RALGAPA2: variants seen among roughly 807,000 people sequenced by gnomAD.
The protein encoded by RALGAPA2 is Ral GTPase activating protein catalytic subunit alpha 2.
A neutral mutation model predicts 230.4 loss-of-function variants in RALGAPA2; 139 were observed. The ratio of observed to expected loss-of-function variants is 0.60; its 90% CI spans 0.53 to 0.69. The LOEUF is 0.69. Ranked by LOEUF, RALGAPA2 falls within the 30% of genes least tolerant of loss-of-function variation. The probability of loss-of-function intolerance (pLI) is 0.00; values close to 1 mark genes in which losing one functional copy is unlikely to be tolerated. For missense variants in RALGAPA2, 2,163 were observed against 2,276.0 expected (o/e 0.95, Z 1.01); for synonymous variants, 847 against 837.8 (o/e 1.01, Z -0.19).
chr20:20,486,496 G>A (rs2061914847), intron 36 of RALGAPA2, among the ~76,000 whole-genome samples: 3 of 152,118 alleles, frequency 2.0e-5, no homozygotes, highest in Non-Finnish European at 2.9e-5. Flanking sequence ...AGCTACTGGT[G>A]CCAGCATAGG....
chr20:20,659,983 C>G (rs1186464639), intron 3 of RALGAPA2: 1 of 235,764 alleles, frequency 4.2e-6, no homozygotes, highest in Non-Finnish European at 8.6e-6. Context: ...GTGGCTCATG[C>G]CTGTAATCCT....
rs2060631486 is a variant in RALGAPA2, at chr20:20,437,051, G to A, written c.5496-24903C>T. The stretch of plus-strand genomic sequence containing the variant: ...GGTCCCCATCCTCCCTGGGTCCTGT[G>A]GCCTCCTCTGCACAATGGCATCTGA... On this transcript the variant is annotated intron_variant, in intron 37 of 39. Coordinates refer to ENST00000202677, the MANE Select transcript of RALGAPA2 (RefSeq NM_020343.4). This position sits in a 1 kb window ranked among gnomAD's most constrained non-coding sequence, Gnocchi z 4.1. Among the ~76,000 whole-genome samples the A allele has an allele frequency of 6.6e-6, 1 of 152,152 alleles. No individual in the cohort carries two copies. Among genetic ancestry groups the A allele is most frequent in the African/African-American group, 2.4e-5 (1 of 41,426 alleles).
chr20:20,504,506 G>A (rs1438737765), intron 34 of RALGAPA2, among the ~76,000 whole-genome samples: 3 of 152,124 alleles, frequency 2.0e-5, no homozygotes, highest in Non-Finnish European at 4.4e-5. Flanking sequence ...GGTGAATCAC[G>A]AGGTTAAGAG....
chr20:20,446,975 T>TA (rs1388030458), intron 37 of RALGAPA2, among the ~76,000 whole-genome samples: 1 of 152,240 alleles, frequency 6.6e-6, no homozygotes, highest in Non-Finnish European at 1.5e-5. Context: ...AAACCCCAGT[T>TA]AAACTGATTT....
chr20:20,413,935 C>T (rs1018570254), intron 37 of RALGAPA2, among the ~76,000 whole-genome samples: 2 of 152,224 alleles, frequency 1.3e-5, no homozygotes, highest in Non-Finnish European at 2.9e-5. Context: ...TAGAGGGACC[C>T]ACTAATGCCA....
At chr20:20,432,620 G>A (rs189308617) in intron 37 of RALGAPA2, among the ~76,000 whole-genome samples, 144 of 152,130 alleles carry the variant, frequency 9.5e-4, no homozygotes, top group African/African-American at 3.3e-3. Flanking sequence ...GATTCTTTGA[G>A]AGAGACTAAA....
intron 3 of RALGAPA2, among the ~76,000 whole-genome samples, chr20:20,668,319 C>A (rs1278482029): frequency 1.1e-4 from 16 of 152,116 alleles, no homozygotes; most frequent in Admixed American, 1.0e-3. Context: ...AGGAGAATTG[C>A]TTGAACCCAT....
chr20:20,710,536 C>T (rs936902744), intron 1 of RALGAPA2, among the ~76,000 whole-genome samples: 2 of 152,136 alleles, frequency 1.3e-5, no homozygotes, highest in Non-Finnish European at 2.9e-5. Flanking sequence ...GGCCACTCCA[C>T]TAGTAAGTAT....
intron 1 of RALGAPA2, among the ~76,000 whole-genome samples, chr20:20,689,426 G>A (rs888668919): frequency 2.0e-5 from 3 of 152,096 alleles, no homozygotes; most frequent in Admixed American, 6.5e-5. Flanking sequence ...GGCAGATCAC[G>A]AGGTCAAAAG....
intron 1 of RALGAPA2, among the ~76,000 whole-genome samples, chr20:20,684,545 G>A (rs1568751205): frequency 6.6e-6 from 1 of 152,110 alleles, no homozygotes; most frequent in Non-Finnish European, 1.5e-5. Context: ...TGGTGGTGTT[G>A]AGCTTAAGTA....
chr20:20,469,109 T>A (rs141336961), intron 37 of RALGAPA2, among the ~76,000 whole-genome samples: 7 of 152,320 alleles, frequency 4.6e-5, no homozygotes, highest in African/African-American at 1.7e-4. Context: ...TCTTCACATT[T>A]CTATTCCTAG....
At chr20:20,455,200 G>A (rs983634333) in intron 37 of RALGAPA2, among the ~76,000 whole-genome samples, 2 of 152,214 alleles carry the variant, frequency 1.3e-5, no homozygotes, top group Admixed American at 1.3e-4. Context: ...GCTCTGCCTC[G>A]CATGACTTGC....
rs777796459 is a variant in RALGAPA2 at position 20,635,525 on chromosome 20, G to A, written c.898C>T (p.Arg300Cys). The change falls in exon 9 of 40, where the codon CGT becomes TGT. Residue 300 changes from arginine to cysteine, a missense_variant. Arg to Cys is a radical substitution (Grantham distance 180, BLOSUM62 -3). Transcript: ENST00000202677. Reference sequence around the variant, plus strand: ...ACAATCCACTTAATAAAAACAACACGAGCTGCCATATATGGAATCTTTGTA... The same window carrying A: ...ACAATCCACTTAATAAAAACAACACAAGCTGCCATATATGGAATCTTTGTA... ...YSTKIPYMAARVVFIKWIVTF... is the reference protein window; with the variant it reads ...YSTKIPYMAACVVFIKWIVTF... 1.3e-5 allele frequency: 21 copies of A among 1,594,396 alleles called. No individual in the cohort carries two copies. The Admixed American group carries it at 2.0e-4, about 15-fold the overall frequency.
chr20:20,508,882 T>C (rs973208884), intron 33 of RALGAPA2, among the ~76,000 whole-genome samples: 2 of 152,318 alleles, frequency 1.3e-5, no homozygotes, highest in East Asian at 1.9e-4. Flanking sequence ...TAAGTGAAGG[T>C]TGATCAAGGG....
At chr20:20,608,761 C>T (rs1452285861) in intron 14 of RALGAPA2, among the ~76,000 whole-genome samples, 1 of 152,152 alleles carries the variant, frequency 6.6e-6, no homozygotes, top group Non-Finnish European at 1.5e-5. Context: ...CACGTAAGAA[C>T]GTGGGAGGTC....
chr20:20,582,413 T>G (rs539621987), intron 20 of RALGAPA2, among the ~76,000 whole-genome samples: 2 of 152,214 alleles, frequency 1.3e-5, no homozygotes, highest in East Asian at 3.9e-4. Context: ...CCCAGAAAGT[T>G]TGGCTCTGAA....
At position 20,524,519 on chromosome 20, in the gene RALGAPA2, G is replaced by A; in HGVS notation, c.3787C>T (p.Leu1263Phe). The A allele has an allele frequency of 1.2e-6, 2 of 1,613,912 alleles. No individual in the cohort carries two copies. Among genetic ancestry groups the A allele is most frequent in the South Asian group, 1.1e-5 (1 of 91,076 alleles). ...GGCAATGCCATGCACCAGTCCAAGA[G>A]GCAGAGTAGCAAGGACACAATAAAC... ...KKFIVSLLLC[L>F]LDWCMALPVS... Residue 1263 changes from leucine to phenylalanine, a missense_variant, in exon 30 of 40, where the codon CTC becomes TTC. Transcript: ENST00000202677.
chr20:20,575,728 GT>G (rs761875789), intron 20 of RALGAPA2, among the ~76,000 whole-genome samples: 300 of 152,236 alleles, frequency 2.0e-3, no homozygotes, highest in Non-Finnish European at 3.1e-3. Flanking sequence ...AAGTCAGGTT[GT>G]TTCTTGGCTT....
chr20:20,436,625 G>A (rs1282783145), intron 37 of RALGAPA2, among the ~76,000 whole-genome samples: 2 of 152,162 alleles, frequency 1.3e-5, no homozygotes, highest in Non-Finnish European at 2.9e-5. Context: ...CTTCCCCTGG[G>A]GAGACAAACA....
Sources: allele counts gnomAD v4.1 joint callset (sites outside exome capture counted in the v4.1 genomes callset), GRCh38; gene constraint gnomAD v4.1.1; non-coding constraint Gnocchi (gnomAD v3.1); transcripts MANE v1.5; gene names NCBI Gene and HGNC (gene_info 2026-07-23, HGNC 2026-07-21).